The following MYO3B variants were observed in gnomAD, a reference collection of about 807,000 sequenced individuals.
The protein encoded by MYO3B is myosin IIIB.
MYO3B carries 156 observed loss-of-function variants against 174.6 expected under a neutral mutation model. That is an observed-to-expected ratio of 0.89 (90% CI 0.78 to 1.02). MYO3B has a LOEUF of 1.02. Ranked by LOEUF, MYO3B falls within the 50% of genes least tolerant of loss-of-function variation. The pLI is 0.00. For synonymous variants in MYO3B, 563 were observed against 569.1 expected (o/e 0.99, Z 0.15); for missense variants, 1,632 against 1,639.4 (o/e 1.00, Z 0.08).
chr2:170,367,676 A>G (rs2094209283), intron 8 of MYO3B, among the ~76,000 whole-genome samples: 1 of 152,230 alleles, frequency 6.6e-6, no homozygotes, highest in Non-Finnish European at 1.5e-5. Flanking sequence ...ATATCTAAGC[A>G]TATTAACTTT....
intron 9 of MYO3B, among the ~76,000 whole-genome samples, chr2:170,378,936 G>T (rs2094314135): frequency 6.6e-6 from 1 of 152,168 alleles, no homozygotes; most frequent in Non-Finnish European, 1.5e-5. Flanking sequence ...TCCCCAGTCT[G>T]CCTGTTACAA....
intron 23 of MYO3B, among the ~76,000 whole-genome samples, chr2:170,461,497 C>T (rs908300106): frequency 5.4e-5 from 8 of 147,480 alleles, no homozygotes; most frequent in East Asian, 2.0e-4. Flanking sequence ...AGGGCTGGGC[C>T]GAGCACGGTG....
At chr2:170,333,713 C>A (rs1167878677) in intron 7 of MYO3B, among the ~76,000 whole-genome samples, 1 of 152,114 alleles carries the variant, frequency 6.6e-6, no homozygotes, top group Non-Finnish European at 1.5e-5. Context: ...CTTGAAAAAT[C>A]CAATCTAATT....
At chr2:170,211,656 T>C (rs2092771754) in intron 3 of MYO3B, among the ~76,000 whole-genome samples, 1 of 152,176 alleles carries the variant, frequency 6.6e-6, no homozygotes, top group South Asian at 2.1e-4. Context: ...GTCACACAGA[T>C]ATTAACTGGA....
chr2:170,424,441 A>T (rs905054306), intron 22 of MYO3B, among the ~76,000 whole-genome samples: 24 of 152,058 alleles, frequency 1.6e-4, no homozygotes, highest in African/African-American at 5.3e-4. Context: ...ACATGGTGAA[A>T]CCCCGTCTCT....
rs541655313 is a variant in MYO3B at position 170,653,914 on chromosome 2, A to G, written c.*793A>G. The G allele has an allele frequency of 3.3e-5, 5 of 152,232 alleles. No individual in the cohort carries two copies. The highest frequency in any genetic ancestry group is 7.3e-5 in the Non-Finnish European group (5 of 68,064). The allele number at this position is 152,232 out of a possible 1,614,324, so 9.4% of individuals were successfully genotyped here. A position where few individuals can be genotyped will look rare whatever the true frequency, so the allele number is the denominator to read the frequency against. ...TCTGTAACTCTCCATTCACTGGTCA[A>G]ATAACTCCATGAGGCTATCAGTGGC... On this transcript the variant is annotated 3_prime_UTR_variant, in exon 35 of 35. Coordinates refer to ENST00000408978, the MANE Select transcript of MYO3B (RefSeq NM_138995.5).
intron 28 of MYO3B, among the ~76,000 whole-genome samples, chr2:170,511,127 T>C (rs1186783265): frequency 6.6e-6 from 1 of 151,416 alleles, no homozygotes; most frequent in Non-Finnish European, 1.5e-5. Flanking sequence ...TGGTGCGATC[T>C]CAGCTCACTG....
intron 32 of MYO3B, among the ~76,000 whole-genome samples, chr2:170,637,261 TC>T (rs1452161416): frequency 1.3e-5 from 2 of 148,420 alleles, no homozygotes; most frequent in Non-Finnish European, 3.0e-5. Flanking sequence ...AACCTCTGCC[TC>T]CCGGGTTCAA....
At chr2:170,425,793 G>A (rs1269372307) in intron 22 of MYO3B, among the ~76,000 whole-genome samples, 4 of 152,166 alleles carry the variant, frequency 2.6e-5, no homozygotes, top group Non-Finnish European at 4.4e-5. Context: ...AGTGTAATTG[G>A]AGCATCTTGA....
In MYO3B at chr2:170,505,470, T is replaced by TA. The variant is rs1447300709; in HGVS notation, c.3370+3610dup. On this transcript the variant is annotated intron_variant, in intron 28 of 34. Transcript: ENST00000408978. The stretch of plus-strand genomic sequence containing the variant: ...GTTCAAATAGATGGTGTATTCTAAG[T>TA]AAAAACTAACAGTGACCTTGATTCC... Among the ~76,000 whole-genome samples the TA allele has an allele frequency of 2.0e-5, 3 of 152,198 alleles. No homozygotes were observed. The South Asian group carries it at 6.2e-4, about 31-fold the overall frequency.
At chr2:170,303,690 G>A (rs1240943399) in intron 7 of MYO3B, among the ~76,000 whole-genome samples, 1 of 151,780 alleles carries the variant, frequency 6.6e-6, no homozygotes, top group East Asian at 1.9e-4. Context: ...ATAAAATACT[G>A]TGAATCTCTC....
At chr2:170,345,789 C>T (rs2094011282) in intron 8 of MYO3B, among the ~76,000 whole-genome samples, 2 of 150,548 alleles carry the variant, frequency 1.3e-5, no homozygotes, top group South Asian at 4.3e-4. Flanking sequence ...GGGCCCCAAT[C>T]TAGTATGACT....
intron 7 of MYO3B, among the ~76,000 whole-genome samples, chr2:170,308,124 T>C (rs2093713070): frequency 6.6e-6 from 1 of 152,218 alleles, no homozygotes; most frequent in South Asian, 2.1e-4. Context: ...ATGATTTGAA[T>C]GTACTGATCT....
chr2:170,603,479 T>C (rs1369568176), intron 32 of MYO3B, among the ~76,000 whole-genome samples: 1 of 152,230 alleles, frequency 6.6e-6, no homozygotes, highest in Non-Finnish European at 1.5e-5. Flanking sequence ...TATTTTTTTC[T>C]CTTCTCATTA....
At chr2:170,549,199 G>A in intron 32 of MYO3B, among the ~76,000 whole-genome samples, 1 of 152,146 alleles carries the variant, frequency 6.6e-6, no homozygotes, top group African/African-American at 2.4e-5. Flanking sequence ...CTCACTACCT[G>A]CCCTTGGGTT....
rs1684631172 is a variant in MYO3B, at chr2:170,466,385, T to C, written c.2809-121T>C. The C allele has an allele frequency of 6.0e-6, 5 of 838,288 alleles. No individual in the cohort carries two copies. The African/African-American group carries it at 6.7e-5, about 11-fold the overall frequency. 51.9% of individuals were successfully genotyped at this position (838,288 alleles called of 1,614,324 possible). A position where few individuals can be genotyped will look rare whatever the true frequency, so the allele number is the denominator to read the frequency against. ...TTATTATCTCCTATTGCTGATTTCA[T>C]GTTCTTCCTCAAGAAGGTCTGTGAG... is the stretch of plus-strand genomic sequence containing the variant. On this transcript the variant is annotated intron_variant, in intron 24 of 34. Coordinates refer to ENST00000408978, the MANE Select transcript of MYO3B (RefSeq NM_138995.5).
chr2:170,401,069 CAA>C (rs925397879), intron 17 of MYO3B, among the ~76,000 whole-genome samples: 1 of 152,138 alleles, frequency 6.6e-6, no homozygotes, highest in Non-Finnish European at 1.5e-5. Flanking sequence ...TATGGTGGCA[CAA>C]AGAGTGAGAA....
At chr2:170,573,384 A>C (rs1353956721) in intron 32 of MYO3B, among the ~76,000 whole-genome samples, 2 of 152,088 alleles carry the variant, frequency 1.3e-5, no homozygotes, top group African/African-American at 2.4e-5. Flanking sequence ...GTGATTAATT[A>C]AAAATTAATT....
At chr2:170,250,666 G>A (rs888248583) in intron 7 of MYO3B, among the ~76,000 whole-genome samples, 9 of 152,212 alleles carry the variant, frequency 5.9e-5, no homozygotes, top group African/African-American at 2.2e-4. Flanking sequence ...ACAGCCTTCT[G>A]TATCCAGAGT....
Sources: allele counts gnomAD v4.1 joint callset (sites outside exome capture counted in the v4.1 genomes callset), GRCh38; gene constraint gnomAD v4.1.1; transcripts MANE v1.5; gene names NCBI Gene and HGNC (gene_info 2026-07-23, HGNC 2026-07-21).